Variants in DTNA observed in about 807,000 individuals in gnomAD.
The protein encoded by DTNA is dystrobrevin alpha, also known as dystrophin-related protein 3.
Under a neutral mutation model 100.7 loss-of-function variants are expected in DTNA, and 43 were observed. That is an observed-to-expected ratio of 0.43 (90% confidence interval 0.33 to 0.55). The LOEUF is 0.55. DTNA is among the 20% of genes least tolerant of loss of function. The pLI, the probability that DTNA is intolerant of heterozygous loss-of-function variation, is 0.04. For missense variants in DTNA, 798 were observed against 953.9 expected (o/e 0.84, Z 2.15); for synonymous variants, 349 against 347.9 (o/e 1.00, Z -0.04).
chr18:34,571,036 A>T (rs967624248), intron 1 of DTNA, among the ~76,000 whole-genome samples: 1 of 152,242 alleles, frequency 6.6e-6, no homozygotes, highest in African/African-American at 2.4e-5. Flanking sequence ...TGTAAGGTAT[A>T]TAGTGTTACA....
intron 1 of DTNA, among the ~76,000 whole-genome samples, chr18:34,674,432 A>G (rs2077153524): frequency 6.6e-6 from 1 of 152,188 alleles, no homozygotes; most frequent in South Asian, 2.1e-4. Flanking sequence ...AATAGCACTA[A>G]TTCTGTTTCC....
chr18:34,751,808 A>G (rs1220146342), intron 1 of DTNA, among the ~76,000 whole-genome samples: 1 of 152,182 alleles, frequency 6.6e-6, no homozygotes, highest in Non-Finnish European at 1.5e-5. Flanking sequence ...TGTTAGAAAA[A>G]TTTGTTTCCC....
chr18:34,604,300 T>G (rs12958828), intron 1 of DTNA, among the ~76,000 whole-genome samples: 2 of 152,192 alleles, frequency 1.3e-5, no homozygotes, highest in African/African-American at 2.4e-5. Context: ...AAAAAAAATT[T>G]GGGAAATATA....
At chr18:34,676,355 A>T (rs1393623650) in intron 1 of DTNA, among the ~76,000 whole-genome samples, 1 of 152,220 alleles carries the variant, frequency 6.6e-6, no homozygotes, top group East Asian at 1.9e-4. Context: ...TCTTTCTTTT[A>T]TGGTACTCTG....
At chr18:34,858,759 C>T (rs531985415) in intron 16 of DTNA, among the ~76,000 whole-genome samples, 4 of 152,124 alleles carry the variant, frequency 2.6e-5, no homozygotes, top group Non-Finnish European at 5.9e-5. Flanking sequence ...TACAGGCATG[C>T]GCCACCACAC....
chr18:34,801,774 G>T (rs1255769698), intron 4 of DTNA, among the ~76,000 whole-genome samples: 3 of 152,030 alleles, frequency 2.0e-5, no homozygotes, highest in Non-Finnish European at 4.4e-5. Flanking sequence ...CTCCCAAAGT[G>T]CTGGAATTAC....
chr18:34,680,020 T>A (rs1434059989), intron 1 of DTNA, among the ~76,000 whole-genome samples: 1 of 151,980 alleles, frequency 6.6e-6, no homozygotes, highest in Non-Finnish European at 1.5e-5. Context: ...TGAAGGAAAA[T>A]TTGATGGTGA....
chr18:34,816,256 G>A (rs1242652277), intron 7 of DTNA, among the ~76,000 whole-genome samples: 1 of 152,154 alleles, frequency 6.6e-6, no homozygotes, highest in Admixed American at 6.5e-5. Flanking sequence ...AGTCAGGTGT[G>A]GTTAAAAGAC....
chr18:34,867,794 G>T (rs2096722491), intron 17 of DTNA: 2 of 985,350 alleles, frequency 2.0e-6, no homozygotes, highest in Non-Finnish European at 2.4e-6. Flanking sequence ...CCCCCAAGGT[G>T]GCGCCACTGC....
At chr18:34,593,602 CTTTT>C (rs1598805553) in intron 1 of DTNA, 1 of 152,008 alleles carries the variant, frequency 6.6e-6, no homozygotes, top group East Asian at 1.9e-4. Context: ...TTGAATTTTT[CTTTT>C]TATCTGTGTG....
intron 1 of DTNA, among the ~76,000 whole-genome samples, chr18:34,561,472 T>C (rs1335693749): frequency 6.6e-6 from 1 of 152,186 alleles, no homozygotes; most frequent in Non-Finnish European, 1.5e-5. Context: ...TTCTAAGTTA[T>C]ATATTTGATA....
chr18:34,724,025 GTTA>G (rs1036152008), intron 1 of DTNA, among the ~76,000 whole-genome samples: 9 of 152,282 alleles, frequency 5.9e-5, no homozygotes, highest in African/African-American at 1.9e-4. Context: ...TCTTAGATAT[GTTA>G]TTGTCAGTTT....
At chr18:34,755,738 T>C in intron 1 of DTNA, 1 of 485,820 alleles carries the variant, frequency 2.1e-6, no homozygotes, top group African/African-American at 1.9e-5. Flanking sequence ...GTAGTTATTT[T>C]TATGTTAGAC....
intron 1 of DTNA, among the ~76,000 whole-genome samples, chr18:34,503,775 C>T (rs11081866): frequency 0.21 from 31,969 of 151,088 alleles, 3,698 homozygotes; most frequent in Non-Finnish European, 0.27. Flanking sequence ...TGAGCATTTA[C>T]AGAATTCCAC....
chr18:34,868,212 C>T, intron 17 of DTNA: 1 of 283,846 alleles, frequency 3.5e-6, no homozygotes, highest in Non-Finnish European at 5.2e-6. Flanking sequence ...AATACCACTT[C>T]TCAGGGGAAC....
At chr18:34,683,086 C>T (rs1166946468) in intron 1 of DTNA, among the ~76,000 whole-genome samples, 3 of 152,172 alleles carry the variant, frequency 2.0e-5, no homozygotes, top group African/African-American at 4.8e-5. Context: ...AAATCAGTCT[C>T]ATTCCAACAT....
intron 17 of DTNA, among the ~76,000 whole-genome samples, chr18:34,869,837 C>T (rs1199634056): frequency 6.6e-6 from 1 of 152,132 alleles, no homozygotes; most frequent in Non-Finnish European, 1.5e-5. Context: ...CCGGCTAACA[C>T]GGTGAAACCC....
At chr18:34,676,017 C>T (rs1009934145) in intron 1 of DTNA, among the ~76,000 whole-genome samples, 4 of 152,170 alleles carry the variant, frequency 2.6e-5, no homozygotes, top group East Asian at 3.9e-4. Flanking sequence ...AACATCAGTC[C>T]GAGCATAAAT....
intron 1 of DTNA, among the ~76,000 whole-genome samples, chr18:34,530,918 C>T (rs2043077545): frequency 6.6e-6 from 1 of 152,156 alleles, no homozygotes; most frequent in African/African-American, 2.4e-5. Context: ...CATCAGCAGC[C>T]TCTCTTCTTC....
Sources: allele counts gnomAD v4.1 joint callset (sites outside exome capture counted in the v4.1 genomes callset), GRCh38; gene constraint gnomAD v4.1.1; transcripts MANE v1.5; gene names NCBI Gene and HGNC (gene_info 2026-07-23, HGNC 2026-07-21).